NWD2: variants seen among roughly 807,000 people sequenced by gnomAD.
NWD2 encodes the protein NACHT and WD repeat domain-containing protein 2.
A neutral mutation model predicts 132.7 loss-of-function variants in NWD2; 37 were observed. The ratio of observed to expected loss-of-function variants is 0.28; its 90% CI spans 0.21 to 0.37. The LOEUF is 0.37. Among genes scored for constraint, NWD2 ranks in the 10% least tolerant of loss-of-function variants. NWD2 has a pLI of 1.00. For missense variants in NWD2, 1,592 were observed against 2,122.4 expected (o/e 0.75, Z 4.91); for synonymous variants, 705 against 803.0 (o/e 0.88, Z 2.06).
rs141268920 is a variant in NWD2 at position 37,417,506 on chromosome 4, G to A, written c.358-13066G>A. Among the ~76,000 whole-genome samples the A allele has an allele frequency of 7.5e-3, 1,145 of 152,242 alleles. 19 individuals carry two copies. The highest frequency in any genetic ancestry group is 0.026 in the African/African-American group (1,095 of 41,550). ...TATAAAAATAGTTGCATCTTTGGAA[G>A]GAGGAGGGGAATCAGCCTGGATTTG... On this transcript the variant is annotated intron_variant, in intron 3 of 6. Coordinates refer to ENST00000309447, the MANE Select transcript of NWD2 (RefSeq NM_001144990.2).
At chr4:37,287,341 C>T (rs552647743) in intron 1 of NWD2, among the ~76,000 whole-genome samples, 7 of 150,278 alleles carry the variant, frequency 4.7e-5, no homozygotes, top group African/African-American at 7.3e-5. Flanking sequence ...GAGCTTTTTG[C>T]GACGGGGGGC....
intron 1 of NWD2, among the ~76,000 whole-genome samples, chr4:37,318,586 C>T (rs1395878425): frequency 2.0e-5 from 3 of 152,070 alleles, no homozygotes; most frequent in African/African-American, 2.4e-5. Context: ...ACCCTTACTA[C>T]CCTCCCTACC....
chr4:37,397,109 G>A (rs1254218124), intron 3 of NWD2, among the ~76,000 whole-genome samples: 1 of 152,076 alleles, frequency 6.6e-6, no homozygotes, highest in Non-Finnish European at 1.5e-5. Flanking sequence ...CAGTGAGATA[G>A]CCTGGGAGTT....
At chr4:37,261,096 C>T (rs1248621665) in intron 1 of NWD2, among the ~76,000 whole-genome samples, 1 of 152,194 alleles carries the variant, frequency 6.6e-6, no homozygotes, top group African/African-American at 2.4e-5. Context: ...GTGTTTAACA[C>T]ATGCTTGGCA....
rs369503445 is a variant in NWD2 at position 37,355,497 on chromosome 4, C to T, written c.241-869C>T. Among the ~76,000 whole-genome samples, 20 of 152,212 alleles carry T rather than the reference C, an allele frequency of 1.3e-4. 1 individual carries two copies. In the East Asian group the frequency reaches 2.7e-3, roughly 21 times the overall value. On this transcript the variant is annotated intron_variant, in intron 2 of 6. Coordinates refer to ENST00000309447, the MANE Select transcript of NWD2 (RefSeq NM_001144990.2). The stretch of plus-strand genomic sequence containing the variant: ...ACTCATACTGTGAGCTTCCATCTCA[C>T]CAAATGCCGTGCAAGCAGGAGGAAA...
intron 1 of NWD2, among the ~76,000 whole-genome samples, chr4:37,289,925 T>C (rs1373242612): frequency 1.3e-5 from 2 of 152,150 alleles, no homozygotes; most frequent in African/African-American, 4.8e-5. Context: ...TTTGACTGTA[T>C]GCCTAGGTAC....
At chr4:37,266,570 A>G (rs553696483) in intron 1 of NWD2, among the ~76,000 whole-genome samples, 2 of 152,200 alleles carry the variant, frequency 1.3e-5, no homozygotes, top group South Asian at 4.1e-4. Flanking sequence ...CCTTAGACCA[A>G]TCACTGTGGT....
At chr4:37,372,926 G>A (rs934163453) in intron 3 of NWD2, among the ~76,000 whole-genome samples, 3 of 152,180 alleles carry the variant, frequency 2.0e-5, no homozygotes, top group Non-Finnish European at 4.4e-5. Context: ...GTCCTATGCA[G>A]TATTGCTTCT....
chr4:37,351,764 A>T (rs897199289), intron 2 of NWD2, among the ~76,000 whole-genome samples: 2 of 151,892 alleles, frequency 1.3e-5, no homozygotes, highest in Non-Finnish European at 2.9e-5. Flanking sequence ...TTTACTTGTG[A>T]TGTTAGGGTG....
intron 1 of NWD2, among the ~76,000 whole-genome samples, chr4:37,320,080 A>G (rs910137052): frequency 1.1e-4 from 16 of 152,208 alleles, no homozygotes; most frequent in Admixed American, 3.3e-4. Context: ...TGGTCATTTT[A>G]ATGATATTGT....
intron 3 of NWD2, among the ~76,000 whole-genome samples, chr4:37,370,353 A>T (rs1457315400): frequency 6.6e-6 from 1 of 152,228 alleles, no homozygotes; most frequent in Admixed American, 6.5e-5. Context: ...ATATTTCTGG[A>T]CTAGAATATT....
At chr4:37,412,698 G>C (rs939968865) in intron 3 of NWD2, among the ~76,000 whole-genome samples, 2 of 152,096 alleles carry the variant, frequency 1.3e-5, no homozygotes, top group Admixed American at 6.5e-5. Context: ...AAAGAATAAA[G>C]CTGGAGGCAT....
At chr4:37,305,855 A>G (rs777622725) in intron 1 of NWD2, among the ~76,000 whole-genome samples, 2 of 152,184 alleles carry the variant, frequency 1.3e-5, no homozygotes, top group Non-Finnish European at 2.9e-5. Context: ...TAGAATAATT[A>G]ATTAATAGAA....
chr4:37,332,072 C>A (rs976844478), intron 2 of NWD2, among the ~76,000 whole-genome samples: 11 of 152,166 alleles, frequency 7.2e-5, no homozygotes, highest in Admixed American at 2.0e-4. Context: ...CTAAAGTGTT[C>A]TTGAGTTCTG....
chr4:37,418,791 A>C (rs1049064533), intron 3 of NWD2, among the ~76,000 whole-genome samples: 7 of 152,110 alleles, frequency 4.6e-5, no homozygotes, highest in Admixed American at 4.6e-4. Context: ...AACAGTGTAA[A>C]AGCGTTCCTA....
At chr4:37,430,064 AT>A (rs11288535) in intron 3 of NWD2, among the ~76,000 whole-genome samples, 35,506 of 151,522 alleles carry the variant, frequency 0.23, 4,955 homozygotes, top group Middle Eastern at 0.3. Flanking sequence ...TTAATTTTGA[AT>A]TTTTTTTTCA....
intron 2 of NWD2, among the ~76,000 whole-genome samples, chr4:37,336,832 G>A (rs938938162): frequency 6.6e-5 from 10 of 151,492 alleles, no homozygotes; most frequent in Non-Finnish European, 1.0e-4. Flanking sequence ...CCAGCTACTC[G>A]GGAGGCTGAG....
At chr4:37,310,566 G>C (rs1718816488) in intron 1 of NWD2, among the ~76,000 whole-genome samples, 1 of 93,472 alleles carries the variant, frequency 1.1e-5, no homozygotes, top group Admixed American at 9.6e-5. Context: ...TTGAGGAGGT[G>C]TTCTTAGTTG....
chr4:37,321,516 A>G (rs1719067505), intron 1 of NWD2, among the ~76,000 whole-genome samples: 3 of 152,002 alleles, frequency 2.0e-5, no homozygotes, highest in Admixed American at 1.3e-4. Flanking sequence ...CTGGGCAGAT[A>G]CAAATAGTTG....
Sources: allele counts gnomAD v4.1 joint callset (sites outside exome capture counted in the v4.1 genomes callset), GRCh38; gene constraint gnomAD v4.1.1; transcripts MANE v1.5; gene names NCBI Gene and HGNC (gene_info 2026-07-23, HGNC 2026-07-21).